BCL2: variants seen among roughly 807,000 people sequenced by gnomAD.
The protein encoded by BCL2 is BCL2 apoptosis regulator.
A neutral mutation model predicts 14.2 loss-of-function variants in BCL2; 1 was observed. The observed-to-expected ratio is 0.07, with a 90% CI of 0.02 to 0.33. The LOEUF (loss-of-function observed/expected upper bound fraction) is 0.33. Among genes scored for constraint, BCL2 ranks in the 10% least tolerant of loss-of-function variants. The pLI, the probability that BCL2 is intolerant of heterozygous loss-of-function variation, is 0.99. For missense variants in BCL2, 247 were observed against 305.9 expected (o/e 0.81, Z 1.44); for synonymous variants, 151 against 137.2 (o/e 1.10, Z -0.70).
At position 63,124,806 on chromosome 18, in the gene BCL2, T is replaced by C. The variant is rs561816906; in HGVS notation, c.*3819A>G. The C allele has an allele frequency of 4.4e-6, 1 of 229,526 alleles. No homozygotes were observed. The highest frequency in any genetic ancestry group is 8.7e-6 in the Non-Finnish European group (1 of 115,502). 14.2% of individuals were successfully genotyped at this position (229,526 alleles called of 1,614,324 possible). A position where few individuals can be genotyped will look rare whatever the true frequency, so the allele number is the denominator to read the frequency against. On this transcript the variant is annotated 3_prime_UTR_variant, in exon 3 of 3. Coordinates refer to ENST00000333681, the MANE Select transcript of BCL2 (RefSeq NM_000633.3). ...AATAAGATCAGAATAGAATTTCAAC[T>C]GACTCCCTAATTTCCTTAGAATGGC...
At chr18:63,184,891 A>T (rs1246788979) in intron 2 of BCL2, among the ~76,000 whole-genome samples, 1 of 152,066 alleles carries the variant, frequency 6.6e-6, no homozygotes, top group Non-Finnish European at 1.5e-5. Flanking sequence ...CTCAGAAACG[A>T]CCCTGAGTTT....
chr18:63,135,892 C>T (rs1914195858), intron 2 of BCL2, among the ~76,000 whole-genome samples: 1 of 152,170 alleles, frequency 6.6e-6, no homozygotes, highest in South Asian at 2.1e-4. Context: ...CTGGCTTCTT[C>T]CTATACTGTG....
intron 2 of BCL2, among the ~76,000 whole-genome samples, chr18:63,212,141 C>T (rs1235928343): frequency 1.3e-5 from 2 of 151,620 alleles, no homozygotes; most frequent in Non-Finnish European, 2.9e-5. Context: ...TCCTGGCCAA[C>T]ATGGTGAAAC....
At chr18:63,215,438 C>T (rs1910172717) in intron 2 of BCL2, among the ~76,000 whole-genome samples, 1 of 152,158 alleles carries the variant, frequency 6.6e-6, no homozygotes. Flanking sequence ...AGAGGGATTT[C>T]AGCAATCTAT....
At chr18:63,157,495 C>A (rs774346183) in intron 2 of BCL2, among the ~76,000 whole-genome samples, 1 of 152,212 alleles carries the variant, frequency 6.6e-6, no homozygotes, top group African/African-American at 2.4e-5. Context: ...GGGGCACCTA[C>A]GCCTTGCTCT....
chr18:63,217,104 T>C lies in BCL2; in HGVS notation c.586-88345A>G, dbSNP rs529769936. Reference sequence around the variant, plus strand: ...TCTCTCTCAGATGCTCCAACTGAGGTAGTTTAGTAAATAAACTGTGTTTAT... The same window carrying C: ...TCTCTCTCAGATGCTCCAACTGAGGCAGTTTAGTAAATAAACTGTGTTTAT... On this transcript the variant is annotated intron_variant, in intron 2 of 2. Coordinates refer to ENST00000333681, the MANE Select transcript of BCL2 (RefSeq NM_000633.3). Among the ~76,000 whole-genome samples, 213 of 152,330 alleles carry C rather than the reference T, an allele frequency of 1.4e-3. 1 individual carries two copies. The highest frequency in any genetic ancestry group is 4.9e-3 in the African/African-American group (205 of 41,574).
chr18:63,261,424 C>G (rs1911655969), intron 2 of BCL2, among the ~76,000 whole-genome samples: 1 of 152,164 alleles, frequency 6.6e-6, no homozygotes, highest in Non-Finnish European at 1.5e-5. Flanking sequence ...TAGATATTCA[C>G]TGAAGGAGTA....
intron 2 of BCL2, among the ~76,000 whole-genome samples, chr18:63,283,180 T>C (rs1476183542): frequency 3.9e-5 from 6 of 152,188 alleles, no homozygotes; most frequent in African/African-American, 1.4e-4. Context: ...GCAAACTACT[T>C]CCACTAAGAA....
At chr18:63,266,561 T>C (rs11152376) in intron 2 of BCL2, among the ~76,000 whole-genome samples, 27,591 of 150,410 alleles carry the variant, frequency 0.18, 3,058 homozygotes, top group East Asian at 0.39. Context: ...TTATTATATA[T>C]TAAATATACA....
intron 1 of BCL2, 22 bp downstream of exon 1, chr18:63,319,152 A>C: frequency 1.4e-6 from 1 of 736,444 alleles, no homozygotes; most frequent in Non-Finnish European, 1.7e-6. Context: ...CATTAAACCA[A>C]TTTCCTGTGC....
At chr18:63,248,556 T>C (rs1911216185) in intron 2 of BCL2, among the ~76,000 whole-genome samples, 2 of 152,244 alleles carry the variant, frequency 1.3e-5, no homozygotes, top group African/African-American at 4.8e-5. Context: ...CCTACGTTCA[T>C]TTTATCTGCA....
At chr18:63,206,144 C>T (rs1909829872) in intron 2 of BCL2, among the ~76,000 whole-genome samples, 1 of 152,140 alleles carries the variant, frequency 6.6e-6, no homozygotes, top group Admixed American at 6.5e-5. Flanking sequence ...CACACCTCTC[C>T]CAGGGGGATG....
intron 2 of BCL2, among the ~76,000 whole-genome samples, chr18:63,217,072 T>A (rs780809626): frequency 1.3e-5 from 2 of 152,210 alleles, no homozygotes; most frequent in Non-Finnish European, 2.9e-5. Flanking sequence ...CCAGATTTTA[T>A]GCTTTCTCTC....
chr18:63,198,430 AGACACACACT>A (rs1298950703), intron 2 of BCL2, among the ~76,000 whole-genome samples: 4 of 148,098 alleles, frequency 2.7e-5, no homozygotes, highest in African/African-American at 9.8e-5. Flanking sequence ...AGACACACAC[AGACACACACT>A]GACACACAGA....
At chr18:63,255,178 A>C (rs1412965797) in intron 2 of BCL2, among the ~76,000 whole-genome samples, 1 of 152,244 alleles carries the variant, frequency 6.6e-6, no homozygotes, top group African/African-American at 2.4e-5. Flanking sequence ...ACAGAGCTAG[A>C]GCAGCATAAA....
intron 2 of BCL2, among the ~76,000 whole-genome samples, chr18:63,286,861 T>C (rs1367984997): frequency 6.6e-6 from 1 of 152,134 alleles, no homozygotes; most frequent in African/African-American, 2.4e-5. Context: ...ATTATCCCCA[T>C]TGCAGATCTG....
rs1023815761 is a variant in BCL2 at position 63,318,445 on chromosome 18, G to C, written c.222C>G (p.Thr74=). 2.2e-5 allele frequency: 32 copies of C among 1,471,544 alleles called. No homozygotes were observed. Among genetic ancestry groups the C allele is most frequent in the Non-Finnish European group, 2.9e-5 (32 of 1,121,990 alleles). 91.2% of individuals were successfully genotyped at this position (1,471,544 alleles called of 1,614,324 possible). The change falls in exon 2 of 3, where the codon ACC becomes ACG. Residue 74 remains threonine (T), a synonymous_variant. Coordinates refer to ENST00000333681, the MANE Select transcript of BCL2 (RefSeq NM_000633.3). This position sits in a 1 kb window ranked among gnomAD's most constrained non-coding sequence, Gnocchi z 7.4. ...CCGCGGCGGCGCCGGGGGCAGCCGG[G>C]GTCTGCAGCGGCGAGGTCCTGGCGA... ...DPVARTSPLQ[T]PAAPGAAAGP... is the part of the protein sequence containing the mutation.
chr18:63,305,920 C>A (rs1913115641), intron 2 of BCL2, among the ~76,000 whole-genome samples: 1 of 151,868 alleles, frequency 6.6e-6, no homozygotes, highest in African/African-American at 2.4e-5. Flanking sequence ...AAAGATAAGA[C>A]AGACATTATC....
At chr18:63,233,884 TA>T (rs1325097062) in intron 2 of BCL2, among the ~76,000 whole-genome samples, 2 of 152,162 alleles carry the variant, frequency 1.3e-5, no homozygotes, top group African/African-American at 4.8e-5. Flanking sequence ...CATTTTCTGT[TA>T]AAAAATATTT....
Sources: allele counts gnomAD v4.1 joint callset (sites outside exome capture counted in the v4.1 genomes callset), GRCh38; gene constraint gnomAD v4.1.1; non-coding constraint Gnocchi (gnomAD v3.1); transcripts MANE v1.5; gene names NCBI Gene and HGNC (gene_info 2026-07-23, HGNC 2026-07-21).